Variants in PTPN1 observed in about 807,000 individuals in gnomAD.
PTPN1 encodes protein tyrosine phosphatase non-receptor type 1.
In PTPN1, 12 loss-of-function variants were observed where a neutral mutation model predicts 59.9. That is an observed-to-expected ratio of 0.20 (90% confidence interval 0.13 to 0.32). The LOEUF (loss-of-function observed/expected upper bound fraction) is 0.32, where lower values mean the gene tolerates loss of function less well. Among genes scored for constraint, PTPN1 ranks in the 10% least tolerant of loss-of-function variants. PTPN1 has a pLI of 1.00. For synonymous variants in PTPN1, 178 were observed against 203.6 expected (o/e 0.87, Z 1.07); for missense variants, 356 against 549.2 (o/e 0.65, Z 3.52).
intron 1 of PTPN1, among the ~76,000 whole-genome samples, chr20:50,525,679 G>A (rs147553562): frequency 1.8e-4 from 28 of 151,768 alleles, no homozygotes; most frequent in African/African-American, 6.5e-4. Flanking sequence ...ACGTCTGAAA[G>A]GGGAAAGGTT....
intron 1 of PTPN1, among the ~76,000 whole-genome samples, chr20:50,523,533 T>C (rs2082560345): frequency 6.6e-6 from 1 of 152,210 alleles, no homozygotes; most frequent in South Asian, 2.1e-4. Context: ...CTCGTCTAGA[T>C]TGTAAGCTCC....
chr20:50,513,891 C>T (rs1291522626), intron 1 of PTPN1, among the ~76,000 whole-genome samples: 2 of 151,192 alleles, frequency 1.3e-5, no homozygotes, highest in Admixed American at 6.6e-5. Flanking sequence ...ACTCACTTCA[C>T]TTAAAAAAAA....
chr20:50,533,403 G>GACATCACATTACCCACTCTCT lies in PTPN1; in HGVS notation c.63+22813_63+22814insACATCACATTACCCACTCTCT, dbSNP rs1256097677. ...AGAGGGCTTCCAACTTGTCTTGGGA[G>GACATCACATTACCCACTCTCT]CTCTCATCTCTGGGAGACATCACAT... On this transcript the variant is annotated intron_variant, in intron 1 of 9. Coordinates refer to ENST00000371621, the MANE Select transcript of PTPN1 (RefSeq NM_002827.4). Among the ~76,000 whole-genome samples the GACATCACATTACCCACTCTCT allele has an allele frequency of 3.9e-5, 6 of 152,096 alleles. 1 individual carries two copies. The highest frequency in any genetic ancestry group is 3.9e-4 in the Admixed American group (6 of 15,272).
intron 3 of PTPN1, among the ~76,000 whole-genome samples, 154 bp downstream of exon 3, chr20:50,565,223 A>G (rs867490902): frequency 6.6e-6 from 1 of 152,216 alleles, no homozygotes; most frequent in Non-Finnish European, 1.5e-5. Context: ...TCATCCTTCA[A>G]AGGTTCAGTT....
intron 1 of PTPN1, among the ~76,000 whole-genome samples, chr20:50,513,507 T>C (rs76090713): frequency 0.011 from 1,614 of 152,314 alleles, 12 homozygotes; most frequent in South Asian, 0.016. Flanking sequence ...GTAAATTCTT[T>C]GATTCTCTGA....
intron 9 of PTPN1, among the ~76,000 whole-genome samples, chr20:50,581,849 CAA>C (rs202045099): frequency 6.8e-5 from 10 of 147,674 alleles, no homozygotes; most frequent in Non-Finnish European, 1.2e-4. Context: ...ATTTCTGGAA[CAA>C]AAAAAAACAA....
At position 50,524,569 on chromosome 20, in the gene PTPN1, C is replaced by CTTTTTTTTTTTTTTTTTTTTTTTTTTTT. The variant is rs764474360; in HGVS notation, c.63+14004_63+14005insTTTTTTTTTTTTTTTTTTTTTTTTTTTT. 4.1e-4 allele frequency among the ~76,000 whole-genome samples: 19 copies of CTTTTTTTTTTTTTTTTTTTTTTTTTTTT among 45,790 alleles called. 5 individuals are homozygous for CTTTTTTTTTTTTTTTTTTTTTTTTTTTT. Among genetic ancestry groups the CTTTTTTTTTTTTTTTTTTTTTTTTTTTT allele is most frequent in the African/African-American group, 9.1e-4 (8 of 8,780 alleles). The allele number at this position is 45,790 out of a possible 152,430, so 30.0% of individuals were successfully genotyped here. On this transcript the variant is annotated intron_variant, in intron 1 of 9. Coordinates refer to ENST00000371621, the MANE Select transcript of PTPN1 (RefSeq NM_002827.4). ...TGGCTGGTTTATCCCATTATGTGGTCTTTTTTTTTTTTTTTTTTTTTTTTT... is the reference window on the plus strand; with the variant it reads ...TGGCTGGTTTATCCCATTATGTGGTCTTTTTTTTTTTTTTTTTTTTTTTTTTTTTTTTTTTTTTTTTTTTTTTTTTTTT...
rs1349231783 is a variant in PTPN1, at chr20:50,578,423, C to A, written c.496C>A (p.Gln166Lys). Reference protein sequence around the residue: ...RQLELENLTTQETREILHFHY... With the variant: ...RQLELENLTTKETREILHFHY... Reference sequence around the variant, plus strand: ...CATGAGTATTTTTCTCTTTCAGACCCAAGAAACTCGAGAGATCTTACATTT... The same window carrying A: ...CATGAGTATTTTTCTCTTTCAGACCAAAGAAACTCGAGAGATCTTACATTT... The change falls in exon 6 of 10, where the codon CAA (glutamine) becomes AAA (lysine). Residue 166 changes from glutamine to lysine, a missense_variant. Physicochemically the swap from Gln to Lys is moderately conservative, Grantham distance 53 (BLOSUM62 1). Around this residue, in one of 3 missense-constraint regions of PTPN1, gnomAD observed 194 missense variants for 344.2 expected, o/e 0.56. Transcript: ENST00000371621. 6 of 1,613,168 alleles carry A rather than the reference C, an allele frequency of 3.7e-6. No individual in the cohort carries two copies. In the African/African-American group the frequency reaches 8.0e-5, roughly 22 times the overall value.
chr20:50,528,144 C>T (rs992476848), intron 1 of PTPN1, among the ~76,000 whole-genome samples: 22 of 152,138 alleles, frequency 1.4e-4, no homozygotes, highest in African/African-American at 5.1e-4. Flanking sequence ...TTCTTCTTTC[C>T]AGTCACATTT....
rs1170279660 is a variant in PTPN1, at chr20:50,564,952, T to A, written c.155-17T>A. 1.2e-6 allele frequency: 2 copies of A among 1,613,240 alleles called. No individual in the cohort carries two copies. The highest frequency in any genetic ancestry group is 2.7e-5 in the African/African-American group (2 of 74,976). ...GCTTTTCCGGGATTAACCTCTGAGTTCTGGTTTGTCTTTCAGTTGACCATA... is the reference window on the plus strand; with the variant it reads ...GCTTTTCCGGGATTAACCTCTGAGTACTGGTTTGTCTTTCAGTTGACCATA... On this transcript the variant is annotated splice_polypyrimidine_tract_variant and intron_variant, in intron 2 of 9. Coordinates refer to ENST00000371621, the MANE Select transcript of PTPN1 (RefSeq NM_002827.4).
chr20:50,539,653 T>A (rs1309874510), intron 1 of PTPN1, among the ~76,000 whole-genome samples: 1 of 148,424 alleles, frequency 6.7e-6, no homozygotes, highest in East Asian at 1.9e-4. Flanking sequence ...TCTTTTTTTT[T>A]TTTTTTTTTT....
At position 50,561,472 on chromosome 20, in the gene PTPN1, G is replaced by C. The variant is rs761685786; in HGVS notation, c.154+19G>C. ...AGTCCCTGTAAGTATCCACGTGGCC[G>C]GTACCAGTCTTGCTCTTCCTTTGCT... On this transcript the variant is annotated intron_variant, in intron 2 of 9. Transcript: ENST00000371621. The C allele has an allele frequency of 2.6e-6, 4 of 1,533,996 alleles. No homozygotes were observed. Among genetic ancestry groups the C allele is most frequent in the Non-Finnish European group, 3.6e-6 (4 of 1,115,522 alleles).
Position 50,579,202 on chromosome 20 carries a change from T to C in PTPN1, c.737T>C (p.Ile246Thr). The change falls in exon 7 of 10, where the codon ATC becomes ACC. Residue 246 changes from isoleucine (I) to threonine (T), a missense_variant. By Grantham distance (89) the Ile-to-Thr change is moderately conservative. Coordinates refer to ENST00000371621, the MANE Select transcript of PTPN1 (RefSeq NM_002827.4). ...DKRKDPSSVDIKKVLLEMRKF... is the reference protein window; with the variant it reads ...DKRKDPSSVDTKKVLLEMRKF... ...AGGAAAGACCCTTCTTCCGTTGATA[T>C]CAAGAAAGTGCTGTTAGAAATGAGG... 1.9e-6 allele frequency: 3 copies of C among 1,614,242 alleles called. No individual in the cohort carries two copies. Among genetic ancestry groups the C allele is most frequent in the South Asian group, 1.1e-5 (1 of 91,088 alleles).
intron 1 of PTPN1, among the ~76,000 whole-genome samples, chr20:50,538,455 G>A (rs2082633729): frequency 6.6e-6 from 1 of 152,198 alleles, no homozygotes; most frequent in Admixed American, 6.5e-5. Context: ...AGGTGTGACT[G>A]TCAGAGTGAT....
At chr20:50,515,350 C>T (rs2082524493) in intron 1 of PTPN1, among the ~76,000 whole-genome samples, 1 of 152,244 alleles carries the variant, frequency 6.6e-6, no homozygotes, top group South Asian at 2.1e-4. Flanking sequence ...CGAATGTGTG[C>T]TTCCTTGCAC....
At chr20:50,557,298 G>A (rs1044130541) in intron 1 of PTPN1, among the ~76,000 whole-genome samples, 4 of 152,052 alleles carry the variant, frequency 2.6e-5, no homozygotes, top group Non-Finnish European at 5.9e-5. Context: ...TGGCACCATC[G>A]TAGCTCACTG....
chr20:50,545,401 CATAGTAA>C (rs1043234874), intron 1 of PTPN1, among the ~76,000 whole-genome samples: 1 of 152,192 alleles, frequency 6.6e-6, no homozygotes, highest in Non-Finnish European at 1.5e-5. Context: ...CCCATCTTGG[CATAGTAA>C]ATAGTAAGCA....
chr20:50,579,303 T>C lies in PTPN1; in HGVS notation c.838T>C (p.Phe280Leu). 1 of 1,614,226 alleles carries C rather than the reference T, an allele frequency of 6.2e-7. No homozygotes were observed. Among genetic ancestry groups the C allele is most frequent in the Non-Finnish European group, 8.5e-7 (1 of 1,180,044 alleles). The stretch of plus-strand genomic sequence containing the variant: ...CCTGGCTGTGATCGAAGGTGCCAAA[T>C]TCATCATGGGGGACTCTTCCGTGCA... Reference protein sequence around the residue: ...SYLAVIEGAKFIMGDSSVQDQ... With the variant: ...SYLAVIEGAKLIMGDSSVQDQ... Residue 280 changes from phenylalanine (F) to leucine (L), a missense_variant, in exon 7 of 10, where the codon TTC becomes CTC. Coordinates refer to ENST00000371621, the MANE Select transcript of PTPN1 (RefSeq NM_002827.4).
chr20:50,542,084 C>T (rs1229513984), intron 1 of PTPN1, among the ~76,000 whole-genome samples: 1 of 152,234 alleles, frequency 6.6e-6, no homozygotes, highest in Non-Finnish European at 1.5e-5. Context: ...CCCATCAACA[C>T]TTGGCATAAC....
Sources: gnomAD v4.1 joint callset for allele counts (sites outside exome capture counted in the v4.1 genomes callset) on GRCh38, gnomAD v4.1.1 for gene constraint, gnomAD v4.1.1 regional missense constraint, MANE v1.5 for transcripts, NCBI Gene and HGNC (gene_info 2026-07-23, HGNC 2026-07-21) for gene names.